Variants in GALNTL6 observed in about 807,000 individuals in gnomAD.
The protein encoded by GALNTL6 is polypeptide N-acetylgalactosaminyltransferase like 6.
A neutral mutation model predicts 73.7 loss-of-function variants in GALNTL6; 46 were observed. The observed-to-expected ratio is 0.62, with a 90% CI of 0.49 to 0.80. The LOEUF is 0.80. GALNTL6 is among the 30% of genes least tolerant of loss of function. The probability of loss-of-function intolerance (pLI) is 0.00; values close to 1 mark genes in which losing one functional copy is unlikely to be tolerated. For synonymous variants in GALNTL6, 259 were observed against 263.7 expected (o/e 0.98, Z 0.17); for missense variants, 604 against 755.0 (o/e 0.80, Z 2.34).
intron 7 of GALNTL6, among the ~76,000 whole-genome samples, chr4:172,858,203 T>C (rs1188294519): frequency 6.6e-6 from 1 of 152,212 alleles, no homozygotes; most frequent in Non-Finnish European, 1.5e-5. Context: ...CTTCTCAATT[T>C]TAAACTGCTG....
intron 2 of GALNTL6, among the ~76,000 whole-genome samples, chr4:171,858,150 G>T (rs1373667360): frequency 6.6e-6 from 1 of 152,074 alleles, no homozygotes; most frequent in East Asian, 1.9e-4. Context: ...TGTATAAAGT[G>T]TTATTTATGC....
At chr4:172,712,398 C>T (rs901294108) in intron 5 of GALNTL6, among the ~76,000 whole-genome samples, 1 of 152,044 alleles carries the variant, frequency 6.6e-6, no homozygotes, top group Non-Finnish European at 1.5e-5. Context: ...CCCAGTATCT[C>T]GTCATTTAGC....
chr4:172,087,465 A>AC (rs1732081742), intron 2 of GALNTL6, among the ~76,000 whole-genome samples: 1 of 149,492 alleles, frequency 6.7e-6, no homozygotes, highest in South Asian at 2.1e-4. Context: ...AAAACAAAAA[A>AC]AACAAAAAAA....
At chr4:172,463,940 T>C (rs1732707018) in intron 5 of GALNTL6, among the ~76,000 whole-genome samples, 1 of 152,234 alleles carries the variant, frequency 6.6e-6, no homozygotes, top group African/African-American at 2.4e-5. Context: ...TGAATAATAG[T>C]TACTTTCTAC....
At chr4:172,890,279 A>AT (rs375086193) in intron 8 of GALNTL6, among the ~76,000 whole-genome samples, 1 of 151,002 alleles carries the variant, frequency 6.6e-6, no homozygotes, top group African/African-American at 2.4e-5. Flanking sequence ...TTCATTATTT[A>AT]TTTTTTTCTG....
intron 5 of GALNTL6, among the ~76,000 whole-genome samples, chr4:172,560,381 C>T (rs972228757): frequency 7.2e-5 from 11 of 151,992 alleles, no homozygotes; most frequent in Admixed American, 5.9e-4. Flanking sequence ...ACCTATAGTC[C>T]CACCTACTTG....
At chr4:172,597,934 TA>T (rs1354571595) in intron 5 of GALNTL6, among the ~76,000 whole-genome samples, 1 of 151,776 alleles carries the variant, frequency 6.6e-6, no homozygotes, top group Non-Finnish European at 1.5e-5. Context: ...TTTTTTTTTT[TA>T]AGGTAAGATA....
At chr4:172,451,868 G>C (rs1732225184) in intron 5 of GALNTL6, among the ~76,000 whole-genome samples, 1 of 152,008 alleles carries the variant, frequency 6.6e-6, no homozygotes, top group South Asian at 2.1e-4. Flanking sequence ...AAAATTAGCT[G>C]TTTATGGTGG....
intron 2 of GALNTL6, among the ~76,000 whole-genome samples, chr4:172,053,650 TGGG>T (rs1302874106): frequency 1.3e-5 from 2 of 152,068 alleles, no homozygotes; most frequent in Non-Finnish European, 2.9e-5. Context: ...CCTCTACAAT[TGGG>T]GGAGAAGTTT....
At chr4:172,648,627 A>G (rs112398525) in intron 5 of GALNTL6, among the ~76,000 whole-genome samples, 22 of 152,298 alleles carry the variant, frequency 1.4e-4, no homozygotes, top group South Asian at 6.2e-4. Context: ...CTGAGTCTAC[A>G]TTCATTCAGT....
At chr4:172,323,807 G>T (rs1447555037) in intron 4 of GALNTL6, among the ~76,000 whole-genome samples, 2 of 152,032 alleles carry the variant, frequency 1.3e-5, no homozygotes, top group Non-Finnish European at 2.9e-5. Context: ...TAATAAATTA[G>T]TATGGAGTCT....
chr4:172,975,259 A>G (rs1400239707), intron 10 of GALNTL6, among the ~76,000 whole-genome samples: 3 of 152,142 alleles, frequency 2.0e-5, no homozygotes, highest in Admixed American at 1.3e-4. Context: ...ATCTGCAGGC[A>G]GGTCATCCCA....
At chr4:171,935,404 C>A (rs1738308912) in intron 2 of GALNTL6, among the ~76,000 whole-genome samples, 1 of 152,158 alleles carries the variant, frequency 6.6e-6, no homozygotes, top group Admixed American at 6.5e-5. Context: ...TAAACTGAGT[C>A]TTCAGCATTA....
chr4:172,988,430 G>A (rs906555562), intron 10 of GALNTL6, among the ~76,000 whole-genome samples: 13 of 152,226 alleles, frequency 8.5e-5, no homozygotes, highest in African/African-American at 2.9e-4. Flanking sequence ...TCATATGCAT[G>A]AGAAAAGAGA....
At chr4:172,604,089 T>C (rs1247581870) in intron 5 of GALNTL6, among the ~76,000 whole-genome samples, 1 of 152,216 alleles carries the variant, frequency 6.6e-6, no homozygotes, top group Non-Finnish European at 1.5e-5. Flanking sequence ...AGTAACATCA[T>C]GCTATGTCAA....
chr4:172,963,695 G>A (rs781037098), intron 10 of GALNTL6, among the ~76,000 whole-genome samples: 15 of 152,162 alleles, frequency 9.9e-5, no homozygotes, highest in Admixed American at 3.3e-4. Context: ...TCCCTCCATG[G>A]CCACACAAAG....
intron 5 of GALNTL6, among the ~76,000 whole-genome samples, chr4:172,541,435 A>C (rs1009195514): frequency 6.6e-6 from 1 of 152,178 alleles, no homozygotes; most frequent in Non-Finnish European, 1.5e-5. Context: ...GTCTGCAGAA[A>C]CCTCAATCCT....
chr4:172,617,193 T>C (rs1341512779), intron 5 of GALNTL6, among the ~76,000 whole-genome samples: 1 of 152,052 alleles, frequency 6.6e-6, no homozygotes, highest in African/African-American at 2.4e-5. Flanking sequence ...TATATATAGC[T>C]GTACATTCTG....
At chr4:172,698,491 C>T (rs1436728234) in intron 5 of GALNTL6, among the ~76,000 whole-genome samples, 1 of 152,178 alleles carries the variant, frequency 6.6e-6, no homozygotes, top group Non-Finnish European at 1.5e-5. Flanking sequence ...GGCTTTGCCT[C>T]CCACGTGGCC....
Sources: gnomAD v4.1 joint callset for allele counts (sites outside exome capture counted in the v4.1 genomes callset) on GRCh38, gnomAD v4.1.1 for gene constraint, MANE v1.5 for transcripts, NCBI Gene and HGNC (gene_info 2026-07-23, HGNC 2026-07-21) for gene names.